DCLK3: variants seen among roughly 807,000 people sequenced by gnomAD.
DCLK3 encodes doublecortin like kinase 3, also known as serine/threonine-protein kinase DCLK3.
In DCLK3, 30 loss-of-function variants were observed where a neutral mutation model predicts 46.4. The observed-to-expected ratio is 0.65, with a 90% CI of 0.48 to 0.88. DCLK3 has a LOEUF of 0.88. Among genes scored for constraint, DCLK3 ranks in the 40% least tolerant of loss-of-function variants. The pLI, the probability that DCLK3 is intolerant of heterozygous loss-of-function variation, is 0.00. For missense variants in DCLK3, 846 were observed against 907.1 expected (o/e 0.93, Z 0.87); for synonymous variants, 401 against 339.2 (o/e 1.18, Z -2.00).
rs1424914605 is a variant in DCLK3 at position 36,714,138 on chromosome 3, C to T, written c.*1190G>A. Reference sequence around the variant, plus strand: ...TGCAGTTACTATCTCTAAATTATACCAGAGCCTCCTTTGTGCTTCTTCCAT... The same window carrying T: ...TGCAGTTACTATCTCTAAATTATACTAGAGCCTCCTTTGTGCTTCTTCCAT... On this transcript the variant is annotated 3_prime_UTR_variant, in exon 5 of 5. Transcript: ENST00000636136. 3 of 152,208 alleles carry T rather than the reference C, an allele frequency of 2.0e-5. No individual in the cohort carries two copies. The highest frequency in any genetic ancestry group is 6.5e-5 in the Admixed American group (1 of 15,272). The allele number at this position is 152,208 out of a possible 1,614,324, so 9.4% of individuals were successfully genotyped here.
intron 1 of DCLK3, among the ~76,000 whole-genome samples, chr3:36,746,106 G>A (rs1381817069): frequency 1.3e-5 from 2 of 152,168 alleles, no homozygotes; most frequent in Admixed American, 1.3e-4. Context: ...TGAGACATCA[G>A]AAACAAAGTA....
Position 36,738,337 on chromosome 3 carries a change from G to A in DCLK3, c.830C>T (p.Pro277Leu). The A allele has an allele frequency of 4.7e-6, 7 of 1,505,370 alleles. No individual in the cohort carries two copies. The highest frequency in any genetic ancestry group is 6.2e-6 in the Non-Finnish European group (7 of 1,130,006). The allele number at this position is 1,505,370 out of a possible 1,614,324, so 93.3% of individuals were successfully genotyped here. A position where few individuals can be genotyped will look rare whatever the true frequency, so the allele number is the denominator to read the frequency against. The stretch of plus-strand genomic sequence containing the variant: ...CTCTTCCAGAGTGGCTTCCCTGGGG[G>A]GCTTGCTACTGGGTTCTGGCTCCCA... ...GKWEPEPSSKPPREATLEERH... is the reference protein window; with the variant it reads ...GKWEPEPSSKLPREATLEERH... Residue 277 changes from proline to leucine, a missense_variant, in exon 2 of 5, where the codon CCC becomes CTC. Physicochemically the swap from Pro to Leu is moderately conservative, Grantham distance 98. This residue lies in a region of DCLK3 where 553 missense variants were observed against 543.0 expected (regional missense o/e 1.02). Transcript: ENST00000636136.
At position 36,715,376 on chromosome 3, in the gene DCLK3, C is replaced by A. The variant is rs35704209; in HGVS notation, c.2406G>T (p.Glu802Asp). Reference protein sequence around the residue: ...KRQKQVSPSSEGHFRSQHKRV... With the variant: ...KRQKQVSPSSDGHFRSQHKRV... ...TCTTGTGCTGGCTCCGGAAGTGACC[C>A]TCGCTGCTGGGGGACACCTGCTTCT... is the stretch of plus-strand genomic sequence containing the variant. Residue 802 changes from glutamate to aspartate, a missense_variant, in exon 5 of 5, where the codon GAG becomes GAT. Coordinates refer to ENST00000636136, the MANE Select transcript of DCLK3 (RefSeq NM_001394672.2). 19,229 of 1,614,132 alleles carry A rather than the reference C, an allele frequency of 0.012. 133 individuals carry two copies. The highest frequency in any genetic ancestry group is 0.014 in the Non-Finnish European group (16,265 of 1,180,012).
intron 2 of DCLK3, among the ~76,000 whole-genome samples, chr3:36,722,797 G>A (rs1371783005): frequency 6.6e-6 from 1 of 152,158 alleles, no homozygotes; most frequent in Non-Finnish European, 1.5e-5. Context: ...CCAGCCATGT[G>A]GAACCATAGT....
chr3:36,716,512 G>A (rs1700981847), intron 4 of DCLK3, among the ~76,000 whole-genome samples: 1 of 152,198 alleles, frequency 6.6e-6, no homozygotes, highest in Non-Finnish European at 1.5e-5. Context: ...TCAGAGGCTG[G>A]AAGGCCAGAT....
chr3:36,761,747 G>A (rs891536259), intron 1 of DCLK3, among the ~76,000 whole-genome samples: 112 of 152,200 alleles, frequency 7.4e-4, no homozygotes, highest in African/African-American at 2.5e-3. Context: ...TAACCTCACC[G>A]TCAAGACAAG....
rs7616859 is a variant in DCLK3 at position 36,764,355 on chromosome 3, A to C, written c.-92T>G. On this transcript the variant is annotated 5_prime_UTR_variant, in exon 1 of 5. Coordinates refer to ENST00000636136, the MANE Select transcript of DCLK3 (RefSeq NM_001394672.2). The surrounding 1 kb of genome is among the most constrained non-coding windows in gnomAD (Gnocchi z 4.9). ...CGAGCAGGCGCGGGAAGGCGGGGCGAGACGAGCAGCCACGAGCCCGCGCCG... is the reference window on the plus strand; with the variant it reads ...CGAGCAGGCGCGGGAAGGCGGGGCGCGACGAGCAGCCACGAGCCCGCGCCG... 99,390 of 187,970 alleles carry C rather than the reference A, an allele frequency of 0.53. 26,782 individuals are homozygous for C. The highest frequency in any genetic ancestry group is 0.58 in the African/African-American group (24,434 of 41,972). The allele number at this position is 187,970 out of a possible 1,614,324, so 11.6% of individuals were successfully genotyped here.
intron 1 of DCLK3, among the ~76,000 whole-genome samples, chr3:36,743,601 A>C (rs1283273694): frequency 6.6e-6 from 1 of 152,194 alleles, no homozygotes; most frequent in African/African-American, 2.4e-5. Context: ...TGCTACAGCA[A>C]AATAAATTGA....
In DCLK3 at chr3:36,738,700, C is replaced by G. The variant is rs1282760006; in HGVS notation, c.467G>C (p.Ser156Thr). 7.6e-7 allele frequency: 1 copy of G among 1,323,516 alleles called. No homozygotes were observed. Among genetic ancestry groups the G allele is most frequent in the African/African-American group, 1.5e-5 (1 of 66,474 alleles). The allele number at this position is 1,323,516 out of a possible 1,614,324, so 82.0% of individuals were successfully genotyped here. ...LFNLKGREIRSVSDFFREGDA... is the reference protein window; with the variant it reads ...LFNLKGREIRTVSDFFREGDA... ...CCCTTCCCTGAAGAAATCAGAGACG[C>G]TCCTGATTTCCCTGCCCTTGAGGTT... is the stretch of plus-strand genomic sequence containing the variant. Residue 156 changes from serine (S) to threonine (T), a missense_variant, in exon 2 of 5, where the codon AGC becomes ACC. Physicochemically the swap from Ser to Thr is moderately conservative, Grantham distance 58. Transcript: ENST00000636136.
chr3:36,758,178 T>C (rs562474368), intron 1 of DCLK3, among the ~76,000 whole-genome samples: 12 of 152,354 alleles, frequency 7.9e-5, no homozygotes, highest in Non-Finnish European at 1.6e-4. Flanking sequence ...GGAGGGTCCA[T>C]GAGTTCTCAA....
intron 1 of DCLK3, among the ~76,000 whole-genome samples, chr3:36,757,669 GA>G: frequency 6.6e-6 from 1 of 152,274 alleles, no homozygotes; most frequent in Non-Finnish European, 1.5e-5. Context: ...ACTGGTTCAG[GA>G]AAAGTCACAT....
intron 1 of DCLK3, among the ~76,000 whole-genome samples, chr3:36,762,559 G>T (rs1254097036): frequency 6.6e-6 from 1 of 152,176 alleles, no homozygotes; most frequent in Non-Finnish European, 1.5e-5. Flanking sequence ...CAAGGGCAAA[G>T]AAGCTGGACT....
chr3:36,727,122 A>C (rs1701133157), intron 2 of DCLK3, among the ~76,000 whole-genome samples: 1 of 151,972 alleles, frequency 6.6e-6, no homozygotes, highest in Non-Finnish European at 1.5e-5. Flanking sequence ...ATCTCTACTA[A>C]AAATACAACA....
rs184839146 is a variant in DCLK3 at position 36,714,770 on chromosome 3, A to G, written c.*558T>C. ...AAATGCAAGAGACCAAGATTAGTGC[A>G]TCCTAAATAAACAGGTCTTGTCAAC... On this transcript the variant is annotated 3_prime_UTR_variant, in exon 5 of 5. Transcript: ENST00000636136. 1 of 152,540 alleles carries G rather than the reference A, an allele frequency of 6.6e-6. No individual in the cohort carries two copies. Among genetic ancestry groups the G allele is most frequent in the African/African-American group, 2.4e-5 (1 of 41,566 alleles). The allele number at this position is 152,540 out of a possible 1,614,324, so 9.4% of individuals were successfully genotyped here.
At chr3:36,763,748 A>C (rs1020628706) in intron 1 of DCLK3, among the ~76,000 whole-genome samples, 1 of 152,124 alleles carries the variant, frequency 6.6e-6, no homozygotes, top group Non-Finnish European at 1.5e-5. Flanking sequence ...AGATTTGTGG[A>C]GAGGATGAAA....
intron 1 of DCLK3, among the ~76,000 whole-genome samples, chr3:36,763,329 C>T (rs543495733): frequency 6.6e-6 from 1 of 152,232 alleles, no homozygotes; most frequent in East Asian, 1.9e-4. Context: ...ACACTTCCCC[C>T]CTCCCAGCAG....
At chr3:36,747,177 C>A (rs1283238139) in intron 1 of DCLK3, among the ~76,000 whole-genome samples, 1 of 152,110 alleles carries the variant, frequency 6.6e-6, no homozygotes, top group African/African-American at 2.4e-5. Context: ...AATTTGCCCA[C>A]TGTTAGAGAG....
chr3:36,735,214 A>G (rs1186483909), intron 2 of DCLK3, among the ~76,000 whole-genome samples: 1 of 152,364 alleles, frequency 6.6e-6, no homozygotes, highest in East Asian at 1.9e-4. Flanking sequence ...CTCTGTTGCA[A>G]TTGCAAAGTG....
chr3:36,717,692 T>A (rs922468668), intron 4 of DCLK3, among the ~76,000 whole-genome samples: 1 of 152,228 alleles, frequency 6.6e-6, no homozygotes, highest in Admixed American at 6.5e-5. Flanking sequence ...CAAACACTTC[T>A]GCATATAAGA....
Sources: gnomAD v4.1 joint callset for allele counts (sites outside exome capture counted in the v4.1 genomes callset) on GRCh38, gnomAD v4.1.1 for gene constraint, gnomAD v4.1.1 regional missense constraint, Gnocchi (gnomAD v3.1) non-coding constraint, MANE v1.5 for transcripts, NCBI Gene and HGNC (gene_info 2026-07-23, HGNC 2026-07-21) for gene names.